PSMD1: variants seen among roughly 807,000 people sequenced by gnomAD.
PSMD1 encodes the protein 26S proteasome non-ATPase regulatory subunit 1.
In PSMD1, 18 loss-of-function variants were observed where a neutral mutation model predicts 119.0. That is an observed-to-expected ratio of 0.15 (90% CI 0.10 to 0.22). The LOEUF (loss-of-function observed/expected upper bound fraction) is 0.22, where lower values mean the gene tolerates loss of function less well. Ranked by LOEUF, PSMD1 falls within the 10% of genes least tolerant of loss-of-function variation. PSMD1 has a pLI of 1.00. For missense variants in PSMD1, 702 were observed against 1,158.5 expected (o/e 0.61, Z 5.72); for synonymous variants, 374 against 396.6 (o/e 0.94, Z 0.68).
chr2:231,166,637 AAT>A (rs1235013542), intron 23 of PSMD1, among the ~76,000 whole-genome samples: 1 of 152,194 alleles, frequency 6.6e-6, no homozygotes, highest in African/African-American at 2.4e-5. Context: ...GCTTATCAGA[AAT>A]ATGAGTGTGA....
intron 20 of PSMD1, among the ~76,000 whole-genome samples, chr2:231,161,857 A>G (rs983110706): frequency 9.2e-5 from 14 of 152,250 alleles, no homozygotes; most frequent in African/African-American, 3.4e-4. Context: ...TGATAAATGA[A>G]CATGAGATTT....
At chr2:231,131,378 A>G (rs1483411257) in intron 16 of PSMD1, among the ~76,000 whole-genome samples, 1 of 152,252 alleles carries the variant, frequency 6.6e-6, no homozygotes, top group African/African-American at 2.4e-5. Context: ...TTAAAAGTTT[A>G]TATCATATAT....
At chr2:231,111,880 TTATATG>T (rs1429065439) in intron 16 of PSMD1, among the ~76,000 whole-genome samples, 2 of 152,220 alleles carry the variant, frequency 1.3e-5, no homozygotes, top group African/African-American at 4.8e-5. Context: ...TGTAATTTGT[TTATATG>T]TCCGCCTTTC....
chr2:231,144,816 C>T (rs1373980933), intron 17 of PSMD1, among the ~76,000 whole-genome samples: 1 of 152,150 alleles, frequency 6.6e-6, no homozygotes, highest in Non-Finnish European at 1.5e-5. Context: ...CTTTCTATCT[C>T]TCAGTTTCTT....
intron 15 of PSMD1, 90 bp from the exon 16 acceptor site, chr2:231,087,027 A>C (rs1029296834): frequency 4.1e-5 from 40 of 977,942 alleles, no homozygotes; most frequent in Non-Finnish European, 8.2e-6. Context: ...TGAGGTATAC[A>C]CTCACTGTTG....
chr2:231,171,060 A>C (rs1299832019), intron 24 of PSMD1, among the ~76,000 whole-genome samples: 1 of 152,176 alleles, frequency 6.6e-6, no homozygotes, highest in East Asian at 1.9e-4. Context: ...GCTGAACTGC[A>C]GTTTGCTTAG....
At chr2:231,106,244 G>A (rs1427504131) in intron 16 of PSMD1, among the ~76,000 whole-genome samples, 1 of 152,154 alleles carries the variant, frequency 6.6e-6, no homozygotes, top group African/African-American at 2.4e-5. Flanking sequence ...ATAGTCAATA[G>A]TGGAGTTATG....
chr2:231,094,741 TACAGAAG>T (rs1378519082), intron 16 of PSMD1, among the ~76,000 whole-genome samples: 1 of 152,198 alleles, frequency 6.6e-6, no homozygotes, highest in African/African-American at 2.4e-5. Flanking sequence ...TAGGCACAAC[TACAGAAG>T]TATGAGATAA....
At chr2:231,162,885 C>T (rs1224787735) in intron 20 of PSMD1, among the ~76,000 whole-genome samples, 50 of 149,816 alleles carry the variant, frequency 3.3e-4, no homozygotes, top group Non-Finnish European at 1.2e-4. Flanking sequence ...ATCACGAGGT[C>T]AGGAGATTGA....
At chr2:231,101,829 G>GT (rs1694875083) in intron 16 of PSMD1, among the ~76,000 whole-genome samples, 1 of 152,140 alleles carries the variant, frequency 6.6e-6, no homozygotes, top group Admixed American at 6.5e-5. Context: ...TGGGTTGTTT[G>GT]TTTTTTAAAT....
rs1695631926 is a variant in PSMD1, at chr2:231,123,636, C to T, written c.1884-15100C>T. The T allele has an allele frequency of 3.1e-6, 5 of 1,613,990 alleles. No homozygotes were observed. In the African/African-American group the frequency reaches 5.3e-5, roughly 17 times the overall value. On this transcript the variant is annotated intron_variant, in intron 16 of 24. Coordinates refer to ENST00000308696, the MANE Select transcript of PSMD1 (RefSeq NM_002807.4). ...TTCCCTGTTCCTCAACAATCTGTTTCATTTCCTCTGGTATTGATTCTGTCT... is the reference window on the plus strand; with the variant it reads ...TTCCCTGTTCCTCAACAATCTGTTTTATTTCCTCTGGTATTGATTCTGTCT...
chr2:231,158,461 T>C (rs971905795), intron 19 of PSMD1, among the ~76,000 whole-genome samples: 2 of 152,214 alleles, frequency 1.3e-5, no homozygotes, highest in Admixed American at 1.3e-4. Flanking sequence ...GATTGAAGTT[T>C]GTTAAACTGC....
rs1693604539 is a variant in PSMD1, at chr2:231,056,907, G to C, written c.-119G>C. 2.9e-6 allele frequency: 4 copies of C among 1,393,170 alleles called. No homozygotes were observed. Among genetic ancestry groups the C allele is most frequent in the Non-Finnish European group, 3.9e-6 (4 of 1,021,280 alleles). The allele number at this position is 1,393,170 out of a possible 1,614,324, so 86.3% of individuals were successfully genotyped here. A position where few individuals can be genotyped will look rare whatever the true frequency, so the allele number is the denominator to read the frequency against. On this transcript the variant is annotated 5_prime_UTR_variant, in exon 1 of 25. Transcript: ENST00000308696. ...GAGCCGGCGGCCTGAGGAGGCGACT[G>C]ACTGAGCAGCGCACCCGGGGAGCAA...
intron 4 of PSMD1, among the ~76,000 whole-genome samples, chr2:231,066,366 C>T (rs575571443): frequency 2.6e-5 from 4 of 152,228 alleles, no homozygotes; most frequent in African/African-American, 4.8e-5. Context: ...CAAAGAAGTC[C>T]GATATACTAC....
At chr2:231,067,150 G>T in intron 5 of PSMD1, 39 bp downstream of exon 5, 1 of 1,433,190 alleles carries the variant, frequency 7.0e-7, no homozygotes, top group South Asian at 1.4e-5. Flanking sequence ...ATTGTTGATA[G>T]GGAATCAGCA....
chr2:231,095,194 G>A (rs1694695318), intron 16 of PSMD1, among the ~76,000 whole-genome samples: 1 of 152,212 alleles, frequency 6.6e-6, no homozygotes, highest in African/African-American at 2.4e-5. Flanking sequence ...AGAGTCTGGG[G>A]CTGTATTGCC....
intron 18 of PSMD1, among the ~76,000 whole-genome samples, chr2:231,148,292 A>G (rs1046682805): frequency 1.3e-5 from 2 of 152,228 alleles, no homozygotes; most frequent in Non-Finnish European, 2.9e-5. Flanking sequence ...CTCTAACAGT[A>G]ATACATAGAC....
chr2:231,102,229 A>G (rs989874517), intron 16 of PSMD1, among the ~76,000 whole-genome samples: 1 of 152,214 alleles, frequency 6.6e-6, no homozygotes, highest in African/African-American at 2.4e-5. Flanking sequence ...TGGGAAACCA[A>G]AAAGTTCGTG....
intron 16 of PSMD1, among the ~76,000 whole-genome samples, chr2:231,114,910 A>G (rs1695279771): frequency 6.6e-6 from 1 of 152,212 alleles, no homozygotes; most frequent in Non-Finnish European, 1.5e-5. Flanking sequence ...TATTTCCATT[A>G]GAATCCAGTT....
Sources: allele counts gnomAD v4.1 joint callset (sites outside exome capture counted in the v4.1 genomes callset), GRCh38; gene constraint gnomAD v4.1.1; transcripts MANE v1.5; gene names NCBI Gene and HGNC (gene_info 2026-07-23, HGNC 2026-07-21).